The following ZBTB37 variants were observed in gnomAD, a reference collection of about 807,000 sequenced individuals.
The protein encoded by ZBTB37 is zinc finger and BTB domain containing 37, also known as zinc finger and BTB domain-containing protein 37.
A neutral mutation model predicts 37.7 loss-of-function variants in ZBTB37; 15 were observed. The ratio of observed to expected loss-of-function variants is 0.40; its 90% CI spans 0.27 to 0.61. ZBTB37 has a LOEUF of 0.61. Among genes scored for constraint, ZBTB37 ranks in the 20% least tolerant of loss-of-function variants. The pLI is 0.44. For missense variants in ZBTB37, 514 were observed against 641.9 expected (o/e 0.80, Z 2.15); for synonymous variants, 231 against 220.6 (o/e 1.05, Z -0.42).
At chr1:173,869,174 A>T (rs746324766) in intron 2 of ZBTB37, 54 bp downstream of exon 2, 6 of 152,452 alleles carry the variant, frequency 3.9e-5, no homozygotes, top group Middle Eastern at 3.2e-3. Context: ...TCCCTATTTA[A>T]TAAGTGTGTT....
At chr1:173,876,549 C>T (rs1445478997) in intron 4 of ZBTB37, among the ~76,000 whole-genome samples, 1 of 152,098 alleles carries the variant, frequency 6.6e-6, no homozygotes, top group African/African-American at 2.4e-5. Flanking sequence ...AACTCCTGAC[C>T]TCAGGTAATC....
At chr1:173,891,876 TA>T (rs1265961981) in exon 4 of ZBTB37, 1 of 152,180 alleles carries the variant, frequency 6.6e-6, no homozygotes, top group Non-Finnish European at 1.5e-5. Context: ...GCTGATACAG[TA>T]TAGGGAGTTT....
chr1:173,897,949 T>C (rs1657113029), exon 4 of ZBTB37: 1 of 152,130 alleles, frequency 6.6e-6, no homozygotes, highest in South Asian at 2.1e-4. Flanking sequence ...TGCTTTTTTT[T>C]CTCTCTCTGT....
downstream of ZBTB37, chr1:173,888,257 A>G (rs1429730745): frequency 6.6e-6 from 1 of 152,186 alleles, no homozygotes; most frequent in African/African-American, 2.4e-5. Flanking sequence ...TAGGGAAACA[A>G]CTGGTAATAA....
chr1:173,887,843 T>C (rs1656690407), downstream of ZBTB37: 1 of 152,208 alleles, frequency 6.6e-6, no homozygotes, highest in Non-Finnish European at 1.5e-5. Flanking sequence ...AGTCATGTGC[T>C]CCTTTCCTGA....
chr1:173,889,671 A>G (rs1557893140), downstream of ZBTB37: 1 of 152,222 alleles, frequency 6.6e-6, no homozygotes, highest in South Asian at 2.1e-4. Context: ...GCTCCTTCTA[A>G]TGACTTGTTC....
At chr1:173,892,329 A>G (rs562971859) in exon 4 of ZBTB37, 1 of 152,020 alleles carries the variant, frequency 6.6e-6, no homozygotes, top group Admixed American at 6.6e-5. Flanking sequence ...TTCCTTGATA[A>G]TTTTCAGTCT....
Position 173,877,373 on chromosome 1 carries a change from C to CT in ZBTB37, c.1023+3831dup, listed in dbSNP as rs58043559. On this transcript the variant is annotated intron_variant, in intron 4 of 4. Coordinates refer to ENST00000427304, the Ensembl canonical transcript of ZBTB37. ...GGAAAGTGTTGTCAAGATTTTCTTT[C>CT]TTTTTTTTTTTTTTTTTTTTTTTTC... Among the ~76,000 whole-genome samples the CT allele has an allele frequency of 1.5e-3, 135 of 87,766 alleles. 1 individual carries two copies. In the South Asian group the frequency reaches 0.019, roughly 12 times the overall value. 57.6% of individuals were successfully genotyped at this position (87,766 alleles called of 152,430 possible).
At chr1:173,894,969 A>G (rs1206383906) in exon 4 of ZBTB37, 1 of 152,054 alleles carries the variant, frequency 6.6e-6, no homozygotes, top group Non-Finnish European at 1.5e-5. Flanking sequence ...TCCAAGTTTC[A>G]TTTATCTTAT....
downstream of ZBTB37, chr1:173,890,194 T>C (rs1229300834): frequency 6.6e-6 from 1 of 152,218 alleles, no homozygotes; most frequent in East Asian, 1.9e-4. Context: ...GAATAATCTT[T>C]GGTCAAGAAG....
chr1:173,877,528 G>A (rs1557886515), intron 4 of ZBTB37, among the ~76,000 whole-genome samples: 1 of 151,988 alleles, frequency 6.6e-6, no homozygotes, highest in Non-Finnish European at 1.5e-5. Context: ...CCACTGGCAT[G>A]TGCCACCACA....
At chr1:173,900,553 C>T (rs568871937) in exon 4 of ZBTB37, 1 of 152,214 alleles carries the variant, frequency 6.6e-6, no homozygotes, top group Non-Finnish European at 1.5e-5. Flanking sequence ...GTAGCAGGCT[C>T]TCTTCTGAGA....
chr1:173,881,169 T>C (rs1178181622), intron 4 of ZBTB37, among the ~76,000 whole-genome samples: 2 of 152,020 alleles, frequency 1.3e-5, no homozygotes, highest in African/African-American at 4.8e-5. Context: ...GTGTTCTCAT[T>C]GTTCAATTCC....
exon 4 of ZBTB37, chr1:173,902,963 A>G (rs956244805): frequency 6.6e-6 from 1 of 152,252 alleles, no homozygotes; most frequent in African/African-American, 2.4e-5. Flanking sequence ...TTCACTGGGG[A>G]AAAACTACCT....
chr1:173,896,680 A>C (rs1467009977), exon 4 of ZBTB37: 1 of 152,240 alleles, frequency 6.6e-6, no homozygotes, highest in Non-Finnish European at 1.5e-5. Flanking sequence ...AACCTGAGTG[A>C]GTAGAAATTC....
At chr1:173,870,219 C>T in exon 3 of ZBTB37, 1 of 1,598,994 alleles carries the variant, frequency 6.3e-7, no homozygotes, top group Non-Finnish European at 8.5e-7. Flanking sequence ...CACCCTCAGG[C>T]ACGACCATGG....
At chr1:173,870,757 G>A (rs1412859461) in exon 3 of ZBTB37, 1 of 1,614,192 alleles carries the variant, frequency 6.2e-7, no homozygotes, top group Admixed American at 1.7e-5. Context: ...GCGAGGTCAG[G>A]TTAGTGCTGT....
chr1:173,880,919 A>G (rs1656262062), intron 4 of ZBTB37, among the ~76,000 whole-genome samples: 1 of 150,562 alleles, frequency 6.6e-6, no homozygotes, highest in Non-Finnish European at 1.5e-5. Context: ...GTATGATATT[A>G]CCTTCCTTAG....
At chr1:173,872,476 G>A (rs1359387401) in intron 3 of ZBTB37, among the ~76,000 whole-genome samples, 8 of 152,158 alleles carry the variant, frequency 5.3e-5, no homozygotes, top group South Asian at 2.1e-4. Context: ...GGGTTCAGGC[G>A]TTTCTCCTGC....
Sources: allele counts gnomAD v4.1 joint callset (sites outside exome capture counted in the v4.1 genomes callset), GRCh38; gene constraint gnomAD v4.1.1; transcripts MANE v1.5; gene names NCBI Gene and HGNC (gene_info 2026-07-23, HGNC 2026-07-21).